The following ARL14EP variants were observed in gnomAD, a reference collection of about 807,000 sequenced individuals.
ARL14EP encodes ARF like GTPase 14 effector protein, also known as ARL14 effector protein.
ARL14EP carries 12 observed loss-of-function variants against 23.1 expected under a neutral mutation model. That is an observed-to-expected ratio of 0.52 (90% CI 0.33 to 0.84). The LOEUF (loss-of-function observed/expected upper bound fraction) is 0.84, where lower values mean the gene tolerates loss of function less well. Among genes scored for constraint, ARL14EP ranks in the 40% least tolerant of loss-of-function variants. The pLI, the probability that ARL14EP is intolerant of heterozygous loss-of-function variation, is 0.02. For missense variants in ARL14EP, 253 were observed against 307.3 expected (o/e 0.82, Z 1.32); for synonymous variants, 97 against 102.0 (o/e 0.95, Z 0.29).
chr11:30,331,658 T>C (rs756805494), intron 2 of ARL14EP: 20 of 1,237,338 alleles, frequency 1.6e-5, no homozygotes, highest in Non-Finnish European at 1.9e-5. Flanking sequence ...TAGAATATTC[T>C]GGCCAAGCCA....
At chr11:30,335,481 C>A (rs1439237927) in intron 3 of ARL14EP, among the ~76,000 whole-genome samples, 1 of 152,142 alleles carries the variant, frequency 6.6e-6, no homozygotes, top group Non-Finnish European at 1.5e-5. Flanking sequence ...GAAGAGTCCA[C>A]TGATGCAGCA....
chr11:30,334,205 C>CTTTTTTTTT (rs1947311511), intron 3 of ARL14EP, among the ~76,000 whole-genome samples: 1 of 105,120 alleles, frequency 9.5e-6, no homozygotes, highest in East Asian at 4.8e-4. Flanking sequence ...GTAGACCAGC[C>CTTTTTTTTT]TTCTTTTTTT....
intron 1 of ARL14EP, among the ~76,000 whole-genome samples, chr11:30,325,663 G>T (rs574119252): frequency 3.3e-5 from 5 of 152,196 alleles, no homozygotes; most frequent in African/African-American, 1.2e-4. Flanking sequence ...ATTGACCAAA[G>T]TGTTTGGAGC....
intron 1 of ARL14EP, among the ~76,000 whole-genome samples, chr11:30,325,459 G>A (rs538968088): frequency 7.8e-4 from 118 of 152,220 alleles, no homozygotes; most frequent in African/African-American, 2.8e-3. Context: ...CTAATAAGGA[G>A]CCAGCACAGG....
At chr11:30,323,611 C>T (rs1947213373) in intron 1 of ARL14EP, among the ~76,000 whole-genome samples, 1 of 152,158 alleles carries the variant, frequency 6.6e-6, no homozygotes, top group African/African-American at 2.4e-5. Context: ...CGTTTGAGGC[C>T]AAAGGCTAAT....
intron 1 of ARL14EP, chr11:30,329,963 A>C (rs912658788): frequency 6.6e-6 from 1 of 151,822 alleles, no homozygotes; most frequent in Non-Finnish European, 1.5e-5. Context: ...AAATTCTTCC[A>C]TACTTCCATG....
At chr11:30,327,015 C>T (rs1947240426) in intron 1 of ARL14EP, among the ~76,000 whole-genome samples, 1 of 152,176 alleles carries the variant, frequency 6.6e-6, no homozygotes, top group South Asian at 2.1e-4. Context: ...GGGCATCCTG[C>T]GTTTTTTATT....
chr11:30,335,237 C>A (rs973659501), intron 3 of ARL14EP, among the ~76,000 whole-genome samples: 1 of 152,204 alleles, frequency 6.6e-6, no homozygotes, highest in Non-Finnish European at 1.5e-5. Flanking sequence ...TGTGATAAAA[C>A]TTGAATGGAT....
rs762899273 is a variant in ARL14EP at position 30,332,892 on chromosome 11, A to G, written c.453A>G (p.Ser151=). 1.2e-6 allele frequency: 2 copies of G among 1,613,572 alleles called. No homozygotes were observed. The highest frequency in any genetic ancestry group is 1.1e-5 in the South Asian group (1 of 91,054). ...GAAGAACTGCTAAAGCTTTGAGGTC[A>G]TTACAATTTACGAATCCAGGAAGGC... ...SDGRTAKALR[S]LQFTNPGRQT... Residue 151 remains serine (S), a synonymous_variant, in exon 3 of 4, where the codon TCA becomes TCG. Coordinates refer to ENST00000282032, the MANE Select transcript of ARL14EP (RefSeq NM_152316.3).
intron 1 of ARL14EP, among the ~76,000 whole-genome samples, chr11:30,327,409 T>C (rs1299203730): frequency 3.3e-5 from 5 of 152,194 alleles, no homozygotes; most frequent in Admixed American, 2.0e-4. Context: ...AAATGTATTA[T>C]TACTATGGAC....
intron 1 of ARL14EP, chr11:30,330,063 G>A (rs1413374200): frequency 2.0e-5 from 3 of 151,336 alleles, no homozygotes; most frequent in Non-Finnish European, 4.4e-5. Flanking sequence ...ATTTTTGTTT[G>A]TGCAGAAGAG....
chr11:30,333,438 G>A (rs957863230), intron 3 of ARL14EP, among the ~76,000 whole-genome samples: 6 of 151,812 alleles, frequency 4.0e-5, no homozygotes, highest in African/African-American at 9.7e-5. Flanking sequence ...TATCTCTGTC[G>A]CATTTTGGTA....
intron 3 of ARL14EP, among the ~76,000 whole-genome samples, chr11:30,333,348 A>G (rs7118949): frequency 0.12 from 18,677 of 152,050 alleles, 1,173 homozygotes; most frequent in Non-Finnish European, 0.15. Context: ...GGTGCTATTT[A>G]TTTTTACAAA....
chr11:30,336,510 A>T, intron 3 of ARL14EP, 57 bp from the exon 4 acceptor site: 3 of 1,426,470 alleles, frequency 2.1e-6, no homozygotes, highest in Non-Finnish European at 1.9e-6. Context: ...CTGTATTTTC[A>T]ATTAAATCAA....
intron 1 of ARL14EP, 47 bp from the exon 2 acceptor site, chr11:30,330,839 A>T: frequency 9.8e-7 from 1 of 1,020,184 alleles, no homozygotes; most frequent in Non-Finnish European, 1.5e-6. Context: ...TCAGTTTCCT[A>T]GATAAACTTG....
chr11:30,335,924 G>T lies in ARL14EP; in HGVS notation c.555-643G>T, dbSNP rs368503078. ...TAATTACATTTTATGAGAATGCAAG[G>T]TTTTTATTTTTTACATGTCTGAAAT... On this transcript the variant is annotated intron_variant, in intron 3 of 3. Coordinates refer to ENST00000282032, the MANE Select transcript of ARL14EP (RefSeq NM_152316.3). Among the ~76,000 whole-genome samples, 59 of 152,024 alleles carry T rather than the reference G, an allele frequency of 3.9e-4. No individual in the cohort carries two copies. In the South Asian group the frequency reaches 9.5e-3, roughly 25 times the overall value.
At chr11:30,329,023 AAGCAC>A (rs1947262914) in intron 1 of ARL14EP, 1 of 152,108 alleles carries the variant, frequency 6.6e-6, no homozygotes, top group African/African-American at 2.4e-5. Flanking sequence ...GACAGTAGTG[AAGCAC>A]TTATGTACAT....
intron 2 of ARL14EP, chr11:30,331,904 C>G (rs1303451782): frequency 1.4e-6 from 1 of 712,636 alleles, no homozygotes; most frequent in Non-Finnish European, 1.7e-6. Context: ...GCTTCTAGTT[C>G]TGAATTCCTA....
intron 2 of ARL14EP, 112 bp downstream of exon 2, chr11:30,331,486 A>G: frequency 1.4e-5 from 22 of 1,535,862 alleles, no homozygotes; most frequent in Non-Finnish European, 1.9e-5. Flanking sequence ...CATACAGTGA[A>G]TTAAAAGGAG....
Sources: gnomAD v4.1 joint callset for allele counts (sites outside exome capture counted in the v4.1 genomes callset) on GRCh38, gnomAD v4.1.1 for gene constraint, MANE v1.5 for transcripts, NCBI Gene and HGNC (gene_info 2026-07-23, HGNC 2026-07-21) for gene names.